The following SNX25 variants were observed in gnomAD, a reference collection of about 807,000 sequenced individuals.
SNX25 encodes the protein sorting nexin 25.
In SNX25, 62 loss-of-function variants were observed where a neutral mutation model predicts 113.7. The ratio of observed to expected loss-of-function variants is 0.55; its 90% CI spans 0.44 to 0.67. The LOEUF (loss-of-function observed/expected upper bound fraction) is 0.67, where lower values mean the gene tolerates loss of function less well. SNX25 is among the 30% of genes least tolerant of loss of function. The probability of loss-of-function intolerance (pLI) is 0.00; values close to 1 mark genes in which losing one functional copy is unlikely to be tolerated. For missense variants in SNX25, 1,014 were observed against 1,161.0 expected (o/e 0.87, Z 1.84); for synonymous variants, 421 against 436.2 (o/e 0.97, Z 0.43).
intron 6 of SNX25, among the ~76,000 whole-genome samples, chr4:185,291,377 C>A (rs759984109): frequency 1.3e-5 from 2 of 152,224 alleles, no homozygotes; most frequent in Non-Finnish European, 2.9e-5. Context: ...CCACTCCCCT[C>A]AGCCCGTGAC....
At chr4:185,336,463 C>T (rs557995182) in intron 10 of SNX25, among the ~76,000 whole-genome samples, 66 of 152,292 alleles carry the variant, frequency 4.3e-4, no homozygotes, top group African/African-American at 1.6e-3. Context: ...GAATAATAGT[C>T]TCAAATTCCA....
chr4:185,339,408 C>G lies in SNX25; in HGVS notation c.1944C>G (p.Ile648Met). 1 of 1,613,976 alleles carries G rather than the reference C, an allele frequency of 6.2e-7. No homozygotes were observed. The highest frequency in any genetic ancestry group is 8.5e-7 in the Non-Finnish European group (1 of 1,179,952). ...KIVSKLKDEI[I>M]LIEKERTDLQ... is the part of the protein sequence containing the mutation. ...TTTCCAAGTTGAAGGATGAAATAAT[C>G]CTAATAGAGAAAGAACGCACAGACC... is the stretch of plus-strand genomic sequence containing the variant. Residue 648 changes from isoleucine (I) to methionine (M), a missense_variant, in exon 11 of 19, where the codon ATC (isoleucine) becomes ATG (methionine). By Grantham distance (10) the Ile-to-Met change is conservative. Coordinates refer to ENST00000652585, the MANE Select transcript of SNX25 (RefSeq NM_001378034.2).
At chr4:185,239,104 CAGAA>C (rs758092057) in intron 1 of SNX25, among the ~76,000 whole-genome samples, 58 of 152,244 alleles carry the variant, frequency 3.8e-4, no homozygotes, top group Non-Finnish European at 7.9e-4. Context: ...CTGGAGTAAA[CAGAA>C]AGCTGATATA....
chr4:185,316,576 G>A (rs1279962821), intron 7 of SNX25, among the ~76,000 whole-genome samples: 1 of 152,158 alleles, frequency 6.6e-6, no homozygotes, highest in African/African-American at 2.4e-5. Context: ...ATTAAAATAA[G>A]GGTTGAAGAG....
intron 1 of SNX25, among the ~76,000 whole-genome samples, chr4:185,241,779 C>G (rs1437548575): frequency 6.6e-6 from 1 of 152,050 alleles, no homozygotes; most frequent in Non-Finnish European, 1.5e-5. Context: ...ATTTTTCTTT[C>G]ATCTTTCCTA....
chr4:185,372,549 T>C (rs1198354867), downstream of SNX25, among the ~76,000 whole-genome samples: 1 of 152,230 alleles, frequency 6.6e-6, no homozygotes, highest in Non-Finnish European at 1.5e-5. Context: ...ACATTACTGC[T>C]ATGGTTTGAC....
intron 5 of SNX25, 27 bp from the exon 6 acceptor site, chr4:185,287,985 T>G (rs960531239): frequency 3.8e-6 from 6 of 1,568,326 alleles, no homozygotes; most frequent in South Asian, 2.3e-5. Context: ...CTCTTAAATC[T>G]TTTTCTTTTC....
At chr4:185,278,498 GGAAT>G (rs10550763) in intron 5 of SNX25, among the ~76,000 whole-genome samples, 149,463 of 151,884 alleles carry the variant, frequency 0.98, 73,545 homozygotes, top group East Asian at 1. Flanking sequence ...AATGACGCAT[GGAAT>G]GAATGAATGA....
intron 17 of SNX25, 120 bp downstream of exon 17, chr4:185,362,225 A>G (rs2095368168): frequency 4.3e-6 from 6 of 1,406,210 alleles, no homozygotes; most frequent in Middle Eastern, 2.2e-4. Flanking sequence ...AAAAAGGATC[A>G]TACTCTTTTA....
At chr4:185,364,966 T>C (rs1411410302), downstream of SNX25, 2 of 152,184 alleles carry the variant, frequency 1.3e-5, no homozygotes, top group Admixed American at 1.3e-4. Flanking sequence ...ATGTCATTTT[T>C]CCATGAGATA....
intron 12 of SNX25, among the ~76,000 whole-genome samples, chr4:185,345,960 C>T (rs756091183): frequency 1.1e-4 from 17 of 152,186 alleles, no homozygotes; most frequent in Admixed American, 4.6e-4. Flanking sequence ...TGGGTTCAAA[C>T]GATTCTCCTG....
At chr4:185,242,178 C>G (rs929943086) in intron 1 of SNX25, among the ~76,000 whole-genome samples, 4 of 152,120 alleles carry the variant, frequency 2.6e-5, no homozygotes, top group Non-Finnish European at 5.9e-5. Context: ...GTACAGAAAA[C>G]TTTTTCCTCT....
chr4:185,282,076 G>A (rs938317958), intron 5 of SNX25, among the ~76,000 whole-genome samples: 2 of 152,110 alleles, frequency 1.3e-5, no homozygotes, highest in Non-Finnish European at 2.9e-5. Context: ...AATGTGTATG[G>A]TATTCTCCAT....
intron 1 of SNX25, among the ~76,000 whole-genome samples, chr4:185,214,449 T>C (rs1199485835): frequency 6.6e-6 from 1 of 151,300 alleles, no homozygotes; most frequent in Non-Finnish European, 1.5e-5. Context: ...GGTGCACATC[T>C]GCAGTCCCAG....
chr4:185,221,409 A>G lies in SNX25; in HGVS notation c.429+11154A>G, dbSNP rs997371620. ...ACGCAGGTCTCAAACTCCTGGACTC[A>G]AGCCATCCTCCCACCGTGGCCTCCC... On this transcript the variant is annotated intron_variant, in intron 1 of 18. Coordinates refer to ENST00000652585, the MANE Select transcript of SNX25 (RefSeq NM_001378034.2). 2.0e-5 allele frequency among the ~76,000 whole-genome samples: 3 copies of G among 152,036 alleles called. No individual in the cohort carries two copies. In the East Asian group the frequency reaches 5.8e-4, roughly 29 times the overall value.
intron 1 of SNX25, among the ~76,000 whole-genome samples, chr4:185,223,187 T>C (rs1010884304): frequency 2.0e-5 from 3 of 152,192 alleles, no homozygotes; most frequent in Admixed American, 2.0e-4. Flanking sequence ...ATCTTGACTT[T>C]ATAGGAATCA....
intron 7 of SNX25, among the ~76,000 whole-genome samples, chr4:185,313,759 A>G (rs1328318114): frequency 1.3e-5 from 2 of 152,184 alleles, no homozygotes; most frequent in East Asian, 1.9e-4. Context: ...GCAAAAATTC[A>G]CATATAACTA....
intron 6 of SNX25, among the ~76,000 whole-genome samples, chr4:185,288,291 C>T (rs143700918): frequency 1.3e-5 from 2 of 152,226 alleles, no homozygotes; most frequent in East Asian, 1.9e-4. Context: ...TCTGTATTCC[C>T]GTATAAACTT....
Position 185,310,732 on chromosome 4 carries a change from G to T in SNX25, c.1260G>T (p.Lys420Asn). 6.2e-7 allele frequency: 1 copy of T among 1,614,078 alleles called. No individual in the cohort carries two copies. Among genetic ancestry groups the T allele is most frequent in the Non-Finnish European group, 8.5e-7 (1 of 1,179,972 alleles). Residue 420 changes from lysine to asparagine, a missense_variant, in exon 7 of 19, where the codon AAG (lysine) becomes AAT (asparagine). Physicochemically the swap from Lys to Asn is moderately conservative, Grantham distance 94. Transcript: ENST00000652585. ...CTGTGGCAAAGAAGCAGTGTGAGAA[G>T]AGAATCCGAATCCTGGGAGGCCCTG... ...QLTVAKKQCEKRIRILGGPAY... is the reference protein window; with the variant it reads ...QLTVAKKQCENRIRILGGPAY...
Sources: allele counts gnomAD v4.1 joint callset (sites outside exome capture counted in the v4.1 genomes callset), GRCh38; gene constraint gnomAD v4.1.1; transcripts MANE v1.5; gene names NCBI Gene and HGNC (gene_info 2026-07-23, HGNC 2026-07-21).